Variants in CHTOP observed in about 807,000 individuals in gnomAD.
The protein encoded by CHTOP is chromatin target of PRMT1, also known as chromatin target of PRMT1 protein.
A neutral mutation model predicts 33.6 loss-of-function variants in CHTOP; 18 were observed. That is an observed-to-expected ratio of 0.54 (90% confidence interval 0.37 to 0.80). The LOEUF is 0.80. Ranked by LOEUF, CHTOP falls within the 30% of genes least tolerant of loss-of-function variation. CHTOP has a pLI of 0.00. For missense variants in CHTOP, 263 were observed against 336.8 expected, an observed-to-expected ratio of 0.78 and a Z score of 1.71; for synonymous variants, 117 against 127.7, an observed-to-expected ratio of 0.92 and a Z score of 0.56.
intron 3 of CHTOP, chr1:153,639,511 CT>C: frequency 2.4e-6 from 1 of 412,496 alleles, no homozygotes; most frequent in Non-Finnish European, 3.3e-6. Context: ...ATATAACACC[CT>C]TACACCCCCA....
At chr1:153,638,631 CTG>C (rs1668498998) in intron 3 of CHTOP, 183 bp downstream of exon 3, 2 of 649,834 alleles carry the variant, frequency 3.1e-6, no homozygotes, top group African/African-American at 1.8e-5. Context: ...TAACTTTTTA[CTG>C]TCTTTCTCTT....
intron 4 of CHTOP, chr1:153,643,001 TACTA>T: frequency 1.8e-6 from 1 of 559,432 alleles, no homozygotes; most frequent in Non-Finnish European, 3.2e-6. Flanking sequence ...TGTATGTACT[TACTA>T]ATTGAATTAA....
At chr1:153,638,636 T>A in intron 3 of CHTOP, 188 bp downstream of exon 3, 1 of 644,858 alleles carries the variant, frequency 1.6e-6, no homozygotes, top group Admixed American at 2.6e-5. Flanking sequence ...TTTTACTGTC[T>A]TTCTCTTTTA....
At position 153,642,367 on chromosome 1, in the gene CHTOP, G is replaced by C; in HGVS notation, c.341G>C (p.Arg114Thr). The C allele has an allele frequency of 1.2e-6, 2 of 1,614,172 alleles. No homozygotes were observed. Among genetic ancestry groups the C allele is most frequent in the Non-Finnish European group, 1.7e-6 (2 of 1,180,034 alleles). ...GLPIIQRGLP[R>T]GGLRGGRATR... ...CCCATAATCCAGAGAGGCTTGCCCA[G>C]AGGAGGACTACGTGGGGGACGTGCC... The change falls in exon 4 of 6, where the codon AGA (arginine) becomes ACA (threonine). Residue 114 changes from arginine to threonine, a missense_variant. Arg to Thr is a moderately conservative substitution (Grantham distance 71, BLOSUM62 -1). Transcript: ENST00000368694.
chr1:153,637,499 T>G (rs565510384), intron 2 of CHTOP: 1 of 152,158 alleles, frequency 6.6e-6, no homozygotes, highest in Admixed American at 6.5e-5. Flanking sequence ...AATAGAAAAA[T>G]TAGCTGGGCG....
chr1:153,643,152 C>A lies in CHTOP; in HGVS notation c.404-75C>A. On this transcript the variant is annotated intron_variant, in intron 4 of 5. Transcript: ENST00000368694. ...TGAATTACCTTCATTTAACCCTCAC[C>A]GCCTTCCTTTGGTTAGAATCTACTT... The A allele has an allele frequency of 1.3e-6, 2 of 1,575,062 alleles. 1 individual carries two copies. The highest frequency in any genetic ancestry group is 2.2e-5 in the South Asian group (2 of 90,034).
In CHTOP at chr1:153,634,865, TGGG is replaced by T. The variant is rs5777875; in HGVS notation, c.-18+528_-18+530del. ...ATACATATATATATATATTTTTTTT[TGGG>T]GGGGGACGGAGTTTCGCTCTTGTTG... On this transcript the variant is annotated intron_variant, in intron 1 of 5. Transcript: ENST00000368694. Among the ~76,000 whole-genome samples, 6 of 146,512 alleles carry T rather than the reference TGGG, an allele frequency of 4.1e-5. 1 individual carries two copies. Among genetic ancestry groups the T allele is most frequent in the African/African-American group, 1.5e-4 (6 of 40,060 alleles).
rs1571323850 is a variant in CHTOP at position 153,645,917 on chromosome 1, C to T, written c.*648C>T. The T allele has an allele frequency of 1.3e-5, 2 of 152,626 alleles. No individual in the cohort carries two copies. Among genetic ancestry groups the T allele is most frequent in the Non-Finnish European group, 2.9e-5 (2 of 68,400 alleles). 9.5% of individuals were successfully genotyped at this position (152,626 alleles called of 1,614,324 possible). The stretch of plus-strand genomic sequence containing the variant: ...ACCATGTACATTGACAGCACATATA[C>T]CATAACCAGCGTGTTGGGTTGAATT... On this transcript the variant is annotated 3_prime_UTR_variant, in exon 6 of 6. Coordinates refer to ENST00000368694, the MANE Select transcript of CHTOP (RefSeq NM_015607.4).
In CHTOP at chr1:153,642,304, G is replaced by C. The variant is rs778844892; in HGVS notation, c.278G>C (p.Gly93Ala). ...CAGGCACGGTTAGGCCGACCCATAG[G>C]GGCCCTGGCCAGGGGAGCAATCGGA... ...NIQARLGRPI[G>A]ALARGAIGGR... is the part of the protein sequence containing the mutation. Residue 93 changes from glycine to alanine, a missense_variant, in exon 4 of 6, where the codon GGG (glycine) becomes GCG (alanine). Transcript: ENST00000368694. The C allele has an allele frequency of 7.4e-6, 12 of 1,614,052 alleles. 1 individual carries two copies. The highest frequency in any genetic ancestry group is 5.5e-5 in the South Asian group (5 of 91,088).
At chr1:153,642,160 GCTT>G in intron 3 of CHTOP, 83 bp from the exon 4 acceptor site, 2 of 1,158,586 alleles carry the variant, frequency 1.7e-6, no homozygotes, top group Non-Finnish European at 2.5e-6. Context: ...CATCTCACTT[GCTT>G]CTTTTTCTCT....
Position 153,636,600 on chromosome 1 carries a change from G to C in CHTOP, c.12G>C (p.Gln4His). The C allele has an allele frequency of 6.2e-7, 1 of 1,613,340 alleles. No homozygotes were observed. Among genetic ancestry groups the C allele is most frequent in the Non-Finnish European group, 8.5e-7 (1 of 1,179,452 alleles). The change falls in exon 2 of 6, where the codon CAG becomes CAC. Residue 4 changes from glutamine to histidine, a missense_variant. By Grantham distance (24) the Gln-to-His change is conservative. Transcript: ENST00000368694. The stretch of plus-strand genomic sequence containing the variant: ...CTCGGGATTCGAAGATGGCTGCACA[G>C]TCAGCGCCGAAAGTTGTGCTAAAAA... MAA[Q>H]SAPKVVLKST...
rs990218660 is a variant in CHTOP, at chr1:153,634,175, A to G, written c.-186A>G. ...GACGGATCGGCCGACTAGACAGCCA[A>G]CCAGCAACAACGAACTGAGCTCGCA... On this transcript the variant is annotated 5_prime_UTR_variant, in exon 1 of 6. Transcript: ENST00000368694. 1.3e-5 allele frequency: 2 copies of G among 152,820 alleles called. No individual in the cohort carries two copies. Among genetic ancestry groups the G allele is most frequent in the Non-Finnish European group, 2.9e-5 (2 of 68,130 alleles). 9.5% of individuals were successfully genotyped at this position (152,820 alleles called of 1,614,324 possible). A position where few individuals can be genotyped will look rare whatever the true frequency, so the allele number is the denominator to read the frequency against.
intron 5 of CHTOP, chr1:153,644,018 C>G (rs978799405): frequency 6.6e-6 from 1 of 152,114 alleles, no homozygotes; most frequent in Non-Finnish European, 1.5e-5. Flanking sequence ...AATGATGTTG[C>G]TGCTGTTAAT....
intron 2 of CHTOP, chr1:153,636,875 G>T: frequency 1.9e-6 from 1 of 519,390 alleles, no homozygotes; most frequent in Non-Finnish European, 3.5e-6. Flanking sequence ...GTATTTATTT[G>T]GTGGGATGTA....
chr1:153,642,375 C>T lies in CHTOP; in HGVS notation c.349C>T (p.Leu117=). 6.2e-7 allele frequency: 1 copy of T among 1,614,116 alleles called. No homozygotes were observed. Among genetic ancestry groups the T allele is most frequent in the South Asian group, 1.1e-5 (1 of 91,080 alleles). ...IIQRGLPRGG[L]RGGRATRTLL... is the part of the protein sequence containing the mutation. ...CCAGAGAGGCTTGCCCAGAGGAGGA[C>T]TACGTGGGGGACGTGCCACCAGAAC... Residue 117 remains leucine (L), a synonymous_variant, in exon 4 of 6, where the codon CTA becomes TTA. Transcript: ENST00000368694.
In CHTOP at chr1:153,645,062, A is replaced by G; in HGVS notation, c.542-2A>G. 3 of 1,521,202 alleles carry G rather than the reference A, an allele frequency of 2.0e-6. No individual in the cohort carries two copies. The highest frequency in any genetic ancestry group is 1.8e-6 in the Non-Finnish European group (2 of 1,122,236). 94.2% of individuals were successfully genotyped at this position (1,521,202 alleles called of 1,614,324 possible). ...TTTTTTTTTTTTTCCCCTTTGGGCC[A>G]GGTCGGGGTATGATAGGTCGGGGAA... On this transcript the variant is annotated splice_acceptor_variant, in intron 5 of 5. Coordinates refer to ENST00000368694, the MANE Select transcript of CHTOP (RefSeq NM_015607.4). LOFTEE classifies it high-confidence loss of function.
intron 3 of CHTOP, chr1:153,638,654 T>G (rs578146181): frequency 5.0e-6 from 3 of 602,390 alleles, no homozygotes; most frequent in South Asian, 4.0e-5. Context: ...TTAGGGAGTT[T>G]GCCATCTATG....
chr1:153,643,486 A>T, intron 5 of CHTOP, 122 bp downstream of exon 5: 1 of 1,048,470 alleles, frequency 9.5e-7, no homozygotes, highest in Non-Finnish European at 1.3e-6. Context: ...TTGTTTTGTT[A>T]TTTGAAACTG....
chr1:153,638,728 G>T (rs189925271), intron 3 of CHTOP, among the ~76,000 whole-genome samples: 51 of 152,240 alleles, frequency 3.3e-4, no homozygotes, highest in African/African-American at 1.2e-3. Flanking sequence ...CCTTAACATA[G>T]ATTAATGGCT....
Sources: gnomAD v4.1 joint callset for allele counts (sites outside exome capture counted in the v4.1 genomes callset) on GRCh38, gnomAD v4.1.1 for gene constraint, MANE v1.5 for transcripts, NCBI Gene and HGNC (gene_info 2026-07-23, HGNC 2026-07-21) for gene names.